Variants in FMO2 observed in about 807,000 individuals in gnomAD.
FMO2 encodes the protein flavin containing dimethylaniline monoxygenase 2.
A neutral mutation model predicts 41.6 loss-of-function variants in FMO2; 33 were observed. The observed-to-expected ratio is 0.79, with a 90% CI of 0.60 to 1.06. FMO2 has a LOEUF of 1.06. Among genes scored for constraint, FMO2 ranks in the 50% least tolerant of loss-of-function variants. The pLI is 0.00. For synonymous variants in FMO2, 214 were observed against 219.6 expected (o/e 0.97, Z 0.23); for missense variants, 619 against 632.9 (o/e 0.98, Z 0.23).
intron 5 of FMO2, among the ~76,000 whole-genome samples, chr1:171,200,344 C>T (rs1267166259): frequency 6.6e-6 from 1 of 152,112 alleles, no homozygotes; most frequent in Non-Finnish European, 1.5e-5. Flanking sequence ...AAACTAAACT[C>T]CTTCTGCAAG....
intron 7 of FMO2, among the ~76,000 whole-genome samples, chr1:171,206,394 G>A (rs967693902): frequency 2.0e-5 from 3 of 152,102 alleles, no homozygotes; most frequent in Admixed American, 1.3e-4. Flanking sequence ...AAAGCATAGA[G>A]TCAATGATGC....
intron 8 of FMO2, among the ~76,000 whole-genome samples, chr1:171,208,292 G>T (rs1196176159): frequency 1.3e-5 from 2 of 152,148 alleles, no homozygotes; most frequent in African/African-American, 4.8e-5. Flanking sequence ...CCCTTGGAAA[G>T]TTGATTTGGG....
intron 2 of FMO2, among the ~76,000 whole-genome samples, chr1:171,187,627 CAAA>C (rs765479366): frequency 0.21 from 17,268 of 81,714 alleles, 1,131 homozygotes; most frequent in East Asian, 0.39. Context: ...AACCTGCCAC[CAAA>C]AAAAAAAAAA....
At chr1:171,194,017 T>C (rs998939159) in intron 3 of FMO2, among the ~76,000 whole-genome samples, 1 of 152,160 alleles carries the variant, frequency 6.6e-6, no homozygotes, top group Non-Finnish European at 1.5e-5. Flanking sequence ...TGACCTCAAG[T>C]GATCCACCCG....
rs1452146099 is a variant in FMO2, at chr1:171,210,660, C to A, written c.*1515C>A. 1 of 152,082 alleles carries A rather than the reference C, an allele frequency of 6.6e-6. No individual in the cohort carries two copies. Among genetic ancestry groups the A allele is most frequent in the East Asian group, 1.9e-4 (1 of 5,194 alleles). 9.4% of individuals were successfully genotyped at this position (152,082 alleles called of 1,614,324 possible). A position where few individuals can be genotyped will look rare whatever the true frequency, so the allele number is the denominator to read the frequency against. Reference sequence around the variant, plus strand: ...AGGTCAGAGATGTTGAAGATTCCAGCAAATTTCTCCTCTTATTTCTACCAA... The same window carrying A: ...AGGTCAGAGATGTTGAAGATTCCAGAAAATTTCTCCTCTTATTTCTACCAA... On this transcript the variant is annotated 3_prime_UTR_variant, in exon 9 of 9. Transcript: ENST00000209929.
In FMO2 at chr1:171,196,661, AGT is replaced by A; in HGVS notation, c.338_339del (p.Val113GlufsTer28). On this transcript the variant is annotated frameshift_variant, in exon 4 of 9. Coordinates refer to ENST00000209929, the MANE Select transcript of FMO2 (RefSeq NM_001460.5). LOFTEE classifies it high-confidence loss of function. ...GTGTTTCTTCAAGACAACTGTCCTT[AGT>A]GTGAGAAAATGTCCAGATTTCTCAT... ...KYIQFQTTVLSVRKCPDFSSS... is the reference protein window; with the variant it reads ...KYIQFQTTVLXVRKCPDFSSS... The A allele has an allele frequency of 6.2e-7, 1 of 1,609,228 alleles. No individual in the cohort carries two copies. The highest frequency in any genetic ancestry group is 8.5e-7 in the Non-Finnish European group (1 of 1,179,590).
rs371787701 is a variant in FMO2, at chr1:171,205,646, G to C, written c.1183+12G>C. On this transcript the variant is annotated intron_variant, in intron 7 of 8. Coordinates refer to ENST00000209929, the MANE Select transcript of FMO2 (RefSeq NM_001460.5). The stretch of plus-strand genomic sequence containing the variant: ...AAGAGTTTTCAAAGGTAAGTGTGTA[G>C]GCAGGTGAGTGGCTAAGCGTTTCAG... 3 of 1,551,218 alleles carry C rather than the reference G, an allele frequency of 1.9e-6. No homozygotes were observed. Among genetic ancestry groups the C allele is most frequent in the Non-Finnish European group, 2.6e-6 (3 of 1,138,842 alleles).
rs1397163232 is a variant in FMO2, at chr1:171,199,606, A to G, written c.627+118A>G. On this transcript the variant is annotated intron_variant, in intron 5 of 8. Coordinates refer to ENST00000209929, the MANE Select transcript of FMO2 (RefSeq NM_001460.5). ...TCATTAACTAGTTGGTTGGTAGCGC[A>G]TTGTGGCATCATAGAAAATCTGGAA... 1.2e-5 allele frequency: 11 copies of G among 918,054 alleles called. No homozygotes were observed. The South Asian group carries it at 2.4e-4, about 20-fold the overall frequency. 56.9% of individuals were successfully genotyped at this position (918,054 alleles called of 1,614,324 possible). A position where few individuals can be genotyped will look rare whatever the true frequency, so the allele number is the denominator to read the frequency against.
rs747432079 is a variant in FMO2, at chr1:171,196,674, G to A, written c.347G>A (p.Cys116Tyr). ...ACAACTGTCCTTAGTGTGAGAAAAT[G>A]TCCAGATTTCTCATCCTCTGGCCAA... ...FQTTVLSVRK[C>Y]PDFSSSGQWK... The change falls in exon 4 of 9, where the codon TGT becomes TAT. Residue 116 changes from cysteine to tyrosine, a missense_variant. By Grantham distance (194) the Cys-to-Tyr change is radical. Transcript: ENST00000209929. 1.2e-6 allele frequency: 2 copies of A among 1,613,244 alleles called. No homozygotes were observed. The highest frequency in any genetic ancestry group is 1.7e-5 in the Admixed American group (1 of 59,976).
rs1305233609 is a variant in FMO2, at chr1:171,193,449, CATA to C, written c.250_252del (p.Asn84del). ...GCCTGAAGATTTTCCAAACTTCCTG[CATA>C]ATTCTAAACTTCTGGAATATTTCAG... On this transcript the variant is annotated inframe_deletion, in exon 3 of 9. Coordinates refer to ENST00000209929, the MANE Select transcript of FMO2 (RefSeq NM_001460.5). 1 of 1,611,558 alleles carries C rather than the reference CATA, an allele frequency of 6.2e-7. No homozygotes were observed. Among genetic ancestry groups the C allele is most frequent in the Admixed American group, 1.7e-5 (1 of 59,986 alleles).
intron 2 of FMO2, among the ~76,000 whole-genome samples, chr1:171,192,847 G>A (rs1402818680): frequency 1.3e-5 from 2 of 151,338 alleles, no homozygotes; most frequent in East Asian, 1.9e-4. Flanking sequence ...TTGTGTAAAA[G>A]GATTCAAATC....
intron 3 of FMO2, among the ~76,000 whole-genome samples, chr1:171,195,750 T>C (rs974605700): frequency 6.6e-6 from 1 of 152,144 alleles, no homozygotes; most frequent in Non-Finnish European, 1.5e-5. Context: ...ATATGAAACA[T>C]TTATGTACAA....
intron 2 of FMO2, among the ~76,000 whole-genome samples, chr1:171,189,166 T>G (rs1268527325): frequency 1.3e-5 from 2 of 152,182 alleles, no homozygotes; most frequent in Non-Finnish European, 2.9e-5. Flanking sequence ...CTCTGTTTCC[T>G]TTATTGTTCC....
chr1:171,187,405 T>C (rs12408253), intron 2 of FMO2, among the ~76,000 whole-genome samples: 26,709 of 152,130 alleles, frequency 0.18, 2,805 homozygotes, highest in East Asian at 0.42. Context: ...GACCTGCGCA[T>C]GCTTTGTCAG....
intron 2 of FMO2, among the ~76,000 whole-genome samples, chr1:171,187,401 C>T (rs28369805): frequency 7.2e-5 from 11 of 152,120 alleles, no homozygotes; most frequent in Admixed American, 2.0e-4. Flanking sequence ...CCAGGACCTG[C>T]GCATGCTTTG....
At chr1:171,196,599 A>T in intron 3 of FMO2, 50 bp from the exon 4 acceptor site, 1 of 1,570,892 alleles carries the variant, frequency 6.4e-7, no homozygotes, top group African/African-American at 1.3e-5. Flanking sequence ...CACTTGGCCA[A>T]TGTTATCCTG....
chr1:171,207,450 T>C (rs1364183848), intron 7 of FMO2: 1 of 341,894 alleles, frequency 2.9e-6, no homozygotes, highest in African/African-American at 2.1e-5. Context: ...AAACCACTAG[T>C]CATGGCTGCC....
chr1:171,199,516 C>T lies in FMO2; in HGVS notation c.627+28C>T, dbSNP rs775246487. Reference sequence around the variant, plus strand: ...GTGATGCTCTCTGCTTACCATGTACCTGGAGGGGAGGAAGTGGGGATGCCA... The same window carrying T: ...GTGATGCTCTCTGCTTACCATGTACTTGGAGGGGAGGAAGTGGGGATGCCA... On this transcript the variant is annotated intron_variant, in intron 5 of 8. Transcript: ENST00000209929. 1.9e-6 allele frequency: 3 copies of T among 1,566,370 alleles called. No homozygotes were observed. In the Admixed American group the frequency reaches 5.6e-5, roughly 29 times the overall value.
At chr1:171,192,362 C>T (rs1379972591) in intron 2 of FMO2, among the ~76,000 whole-genome samples, 1 of 152,068 alleles carries the variant, frequency 6.6e-6, no homozygotes, top group Admixed American at 6.6e-5. Context: ...ACAATAATAC[C>T]ATACTACATT....
Sources: gnomAD v4.1 joint callset for allele counts (sites outside exome capture counted in the v4.1 genomes callset) on GRCh38, gnomAD v4.1.1 for gene constraint, MANE v1.5 for transcripts, NCBI Gene and HGNC (gene_info 2026-07-23, HGNC 2026-07-21) for gene names.